The following NUP133 variants were observed in gnomAD, a reference collection of about 807,000 sequenced individuals.
The protein encoded by NUP133 is nucleoporin 133, also known as nuclear pore complex protein Nup133.
In NUP133, 66 loss-of-function variants were observed where a neutral mutation model predicts 146.2. The ratio of observed to expected loss-of-function variants is 0.45; its 90% CI spans 0.37 to 0.55. NUP133 has a LOEUF of 0.55. NUP133 is among the 20% of genes least tolerant of loss of function. NUP133 has a pLI of 0.00. For missense variants in NUP133, 1,277 were observed against 1,374.8 expected (o/e 0.93, Z 1.12); for synonymous variants, 521 against 498.8 (o/e 1.04, Z -0.59).
intron 22 of NUP133, 33 bp from the exon 23 acceptor site, chr1:229,450,638 A>T (rs1351299993): frequency 1.8e-6 from 2 of 1,102,454 alleles, no homozygotes; most frequent in Non-Finnish European, 2.7e-6. Context: ...AGAAGATTAT[A>T]CAATCATGTA....
At chr1:229,496,202 G>C (rs561408048) in intron 6 of NUP133, among the ~76,000 whole-genome samples, 155 bp from the exon 7 acceptor site, 1 of 152,162 alleles carries the variant, frequency 6.6e-6, no homozygotes, top group Non-Finnish European at 1.5e-5. Flanking sequence ...GGCCGGGTGT[G>C]GTGTCTTACC....
At chr1:229,475,296 A>C (rs1255073012) in intron 14 of NUP133, among the ~76,000 whole-genome samples, 1 of 152,186 alleles carries the variant, frequency 6.6e-6, no homozygotes, top group Non-Finnish European at 1.5e-5. Flanking sequence ...ACCTTTACCC[A>C]AAAAAAGAAA....
chr1:229,498,371 C>A (rs760780005), intron 5 of NUP133, 65 bp from the exon 6 acceptor site: 28 of 1,128,998 alleles, frequency 2.5e-5, no homozygotes, highest in Non-Finnish European at 3.2e-5. Flanking sequence ...ATGAAAAATT[C>A]TTTGATACAG....
chr1:229,506,110 C>G lies in NUP133; in HGVS notation c.231G>C (p.Val77=), dbSNP rs1349190208. 6.2e-7 allele frequency: 1 copy of G among 1,613,466 alleles called. No individual in the cohort carries two copies. The highest frequency in any genetic ancestry group is 2.2e-5 in the East Asian group (1 of 44,840). The change falls in exon 2 of 26, where the codon GTG becomes GTC. Residue 77 remains valine (V), a synonymous_variant. Coordinates refer to ENST00000261396, the MANE Select transcript of NUP133 (RefSeq NM_018230.3). ...ATCCAAACGTTTTCACATCATAGTT[C>G]ACAGACTCAGTTATGGAGTGGTGTG... ...MFPHHSITES[V]NYDVKTFGSS... is the part of the protein sequence containing the mutation.
At chr1:229,449,000 G>A (rs1660379399) in intron 24 of NUP133, 126 bp downstream of exon 24, 1 of 729,236 alleles carries the variant, frequency 1.4e-6, no homozygotes, top group African/African-American at 1.7e-5. Context: ...TGGTTGCCCA[G>A]TGTAGGAGGT....
intron 15 of NUP133, among the ~76,000 whole-genome samples, chr1:229,469,261 G>C (rs1457037909): frequency 6.6e-6 from 1 of 152,182 alleles, no homozygotes; most frequent in Non-Finnish European, 1.5e-5. Context: ...CACCTTTAAA[G>C]GGAGACAGCG....
Position 229,506,208 on chromosome 1 carries a change from T to C in NUP133, c.183-50A>G, listed in dbSNP as rs528156231. The C allele has an allele frequency of 5.7e-5, 59 of 1,041,426 alleles. 1 individual carries two copies. The South Asian group carries it at 9.3e-4, about 16-fold the overall frequency. 64.5% of individuals were successfully genotyped at this position (1,041,426 alleles called of 1,614,324 possible). On this transcript the variant is annotated intron_variant, in intron 1 of 25. Coordinates refer to ENST00000261396, the MANE Select transcript of NUP133 (RefSeq NM_018230.3). ...TTACTTGTAACTTAAAATTCTCCAT[T>C]ATCCTAATTTTTTATGTATATATTT... is the stretch of plus-strand genomic sequence containing the variant.
chr1:229,475,059 G>A (rs899771533), intron 14 of NUP133, among the ~76,000 whole-genome samples: 5 of 151,990 alleles, frequency 3.3e-5, no homozygotes, highest in African/African-American at 1.2e-4. Context: ...CCAAGACTGT[G>A]CCACTACACT....
intron 6 of NUP133, among the ~76,000 whole-genome samples, chr1:229,497,616 G>A (rs1055087784): frequency 1.1e-4 from 17 of 152,236 alleles, no homozygotes; most frequent in South Asian, 8.3e-4. Flanking sequence ...GTAAACTGGC[G>A]GGAAAGCATG....
chr1:229,440,387 CT>C lies in NUP133; in HGVS notation c.*1516del, dbSNP rs1344334345. The C allele has an allele frequency of 6.6e-6, 1 of 151,964 alleles. No individual in the cohort carries two copies. The highest frequency in any genetic ancestry group is 1.5e-5 in the Non-Finnish European group (1 of 68,042). The allele number at this position is 151,964 out of a possible 1,614,324, so 9.4% of individuals were successfully genotyped here. On this transcript the variant is annotated 3_prime_UTR_variant, in exon 26 of 26. Coordinates refer to ENST00000261396, the MANE Select transcript of NUP133 (RefSeq NM_018230.3). ...CTTTTTCTTCCCTTGAACAGGATGACTCTACTTCACACGGTAAGAGCAGTCG... is the reference window on the plus strand; with the variant it reads ...CTTTTTCTTCCCTTGAACAGGATGACCTACTTCACACGGTAAGAGCAGTCG...
At chr1:229,483,780 C>T (rs1433029354) in intron 12 of NUP133, among the ~76,000 whole-genome samples, 1 of 149,652 alleles carries the variant, frequency 6.7e-6, no homozygotes, top group Non-Finnish European at 1.5e-5. Flanking sequence ...TGCAAGATGT[C>T]TTCATGATCA....
chr1:229,466,906 A>C, intron 15 of NUP133, 150 bp from the exon 16 acceptor site: 2 of 684,266 alleles, frequency 2.9e-6, no homozygotes, highest in Non-Finnish European at 4.5e-6. Context: ...TAAATTCAAA[A>C]ATCAAGAAAA....
rs201945734 is a variant in NUP133 at position 229,443,338 on chromosome 1, C to CA, written c.3335-1299dup. 9.1e-3 allele frequency among the ~76,000 whole-genome samples: 1,376 copies of CA among 151,994 alleles called. 20 individuals carry two copies. Among genetic ancestry groups the CA allele is most frequent in the African/African-American group, 0.031 (1,301 of 41,456 alleles). On this transcript the variant is annotated intron_variant, in intron 25 of 25. Coordinates refer to ENST00000261396, the MANE Select transcript of NUP133 (RefSeq NM_018230.3). The stretch of plus-strand genomic sequence containing the variant: ...TACAGGCGTGAGCTACCGTGCCTGG[C>CA]AAAATAAGACTTTTATAACACCATT...
chr1:229,499,698 G>A lies in NUP133; in HGVS notation c.634C>T (p.Leu212=). The A allele has an allele frequency of 6.2e-7, 1 of 1,613,618 alleles. No homozygotes were observed. The highest frequency in any genetic ancestry group is 8.5e-7 in the Non-Finnish European group (1 of 1,179,676). Residue 212 remains leucine (L), a synonymous_variant, in exon 5 of 26, where the codon CTA becomes TTA. Transcript: ENST00000261396. ...DSGGDKTYSF[L]TAVQGGSFIL... ...CCGTGGTATACCTGCACTGCTGTTA[G>A]GAAACTGTAAGTCTTATCACCTCCC...
At chr1:229,442,300 T>C (rs1660201810) in intron 25 of NUP133, among the ~76,000 whole-genome samples, 1 of 152,238 alleles carries the variant, frequency 6.6e-6, no homozygotes, top group African/African-American at 2.4e-5. Context: ...TTTAATAAGA[T>C]CTGAAACGTT....
chr1:229,479,020 A>C (rs1484375026), intron 12 of NUP133, among the ~76,000 whole-genome samples: 1 of 152,214 alleles, frequency 6.6e-6, no homozygotes, highest in African/African-American at 2.4e-5. Flanking sequence ...TTCACTTCCC[A>C]CAGTCACAGT....
At chr1:229,479,494 T>C (rs1189687129) in intron 12 of NUP133, among the ~76,000 whole-genome samples, 2 of 152,196 alleles carry the variant, frequency 1.3e-5, no homozygotes, top group Non-Finnish European at 2.9e-5. Context: ...TTCAGTACTA[T>C]ATGCAATTTC....
At position 229,496,573 on chromosome 1, in the gene NUP133, AGAG is replaced by A. The variant is rs751824130; in HGVS notation, c.820-529_820-527del. 5.3e-5 allele frequency among the ~76,000 whole-genome samples: 8 copies of A among 152,244 alleles called. No homozygotes were observed. The East Asian group carries it at 5.8e-4, about 11-fold the overall frequency. On this transcript the variant is annotated intron_variant, in intron 6 of 25. Coordinates refer to ENST00000261396, the MANE Select transcript of NUP133 (RefSeq NM_018230.3). ...AAGAAGGATACAGGTGGAAAGCCCA[AGAG>A]GAGAAGAGCTGAAAGGTGGGAAAGT...
At position 229,477,763 on chromosome 1, in the gene NUP133, G is replaced by A; in HGVS notation, c.1593-3C>T. On this transcript the variant is annotated splice_region_variant and splice_polypyrimidine_tract_variant and intron_variant, in intron 12 of 25. Coordinates refer to ENST00000261396, the MANE Select transcript of NUP133 (RefSeq NM_018230.3). Reference sequence around the variant, plus strand: ...TTTGAGCATGACCTAAATCTTTTCTGAAATAAAATTGGAAAACACAAGTAT... The same window carrying A: ...TTTGAGCATGACCTAAATCTTTTCTAAAATAAAATTGGAAAACACAAGTAT... 2.5e-6 allele frequency: 4 copies of A among 1,597,724 alleles called. No individual in the cohort carries two copies. In the East Asian group the frequency reaches 6.7e-5, roughly 27 times the overall value.
Sources: allele counts gnomAD v4.1 joint callset (sites outside exome capture counted in the v4.1 genomes callset), GRCh38; gene constraint gnomAD v4.1.1; transcripts MANE v1.5; gene names NCBI Gene and HGNC (gene_info 2026-07-23, HGNC 2026-07-21).